The following LRP1B variants were observed in gnomAD, a reference collection of about 807,000 sequenced individuals.
LRP1B encodes the protein LDL receptor related protein 1B, also known as low-density lipoprotein receptor-related protein 1B.
In LRP1B, 217 loss-of-function variants were observed where a neutral mutation model predicts 556.6. The ratio of observed to expected loss-of-function variants is 0.39; its 90% CI spans 0.35 to 0.44. The LOEUF is 0.44. LRP1B is among the 20% of genes least tolerant of loss of function. The pLI is 1.00. For synonymous variants in LRP1B, 2,047 were observed against 1,865.8 expected, an observed-to-expected ratio of 1.10 and a Z score of -2.50; for missense variants, 5,053 against 5,620.8, an observed-to-expected ratio of 0.90 and a Z score of 3.23.
intron 2 of LRP1B, among the ~76,000 whole-genome samples, chr2:141,629,314 A>G (rs1221798763): frequency 6.6e-6 from 1 of 152,162 alleles, no homozygotes; most frequent in Non-Finnish European, 1.5e-5. Flanking sequence ...TTGAAATTCT[A>G]CCATCTCCAT....
Position 140,701,884 on chromosome 2 carries a change from A to G in LRP1B, c.6303-39T>C, listed in dbSNP as rs760958660. On this transcript the variant is annotated intron_variant, in intron 39 of 90. Transcript: ENST00000389484. ...GAACATACATGATCAACAATCTTCG[A>G]CTAATTAAAGTCAAGCCAGTTACTT... is the stretch of plus-strand genomic sequence containing the variant. 6.8e-6 allele frequency: 11 copies of G among 1,611,064 alleles called. No individual in the cohort carries two copies. The South Asian group carries it at 1.2e-4, about 18-fold the overall frequency.
At chr2:142,123,091 G>T (rs1707516389) in intron 1 of LRP1B, among the ~76,000 whole-genome samples, 1 of 151,888 alleles carries the variant, frequency 6.6e-6, no homozygotes, top group Non-Finnish European at 1.5e-5. Context: ...AGTTTCAAAA[G>T]AAAACAGATG....
At position 140,903,201 on chromosome 2, in the gene LRP1B, A is replaced by G. The variant is rs537517452; in HGVS notation, c.3521-36T>C. The G allele has an allele frequency of 1.8e-4, 293 of 1,601,132 alleles. 2 individuals carry two copies. In the South Asian group the frequency reaches 3.1e-3, roughly 17 times the overall value. ...GGGGGAACAGATTATAGGTCTTATC[A>G]ATTGCTTTCCTCAGTTAAATACTAA... On this transcript the variant is annotated intron_variant, in intron 22 of 90. Transcript: ENST00000389484.
At chr2:141,035,370 TAATAAA>T (rs971036356) in intron 11 of LRP1B, among the ~76,000 whole-genome samples, 22 of 148,646 alleles carry the variant, frequency 1.5e-4, no homozygotes, top group African/African-American at 5.7e-4. Context: ...ATAATAATAA[TAATAAA>T]AAAATCTTTT....
intron 3 of LRP1B, among the ~76,000 whole-genome samples, chr2:141,330,896 C>G (rs565028215): frequency 2.3e-3 from 355 of 152,098 alleles, no homozygotes; most frequent in Admixed American, 3.8e-3. Context: ...GGGACTACAG[C>G]TGCCGCCCAC....
intron 1 of LRP1B, among the ~76,000 whole-genome samples, chr2:141,976,445 C>G (rs996546512): frequency 9.9e-5 from 15 of 152,006 alleles, no homozygotes; most frequent in Non-Finnish European, 1.9e-4. Flanking sequence ...TTTTGCAAAC[C>G]TAAGAACTCT....
chr2:140,577,091 C>T (rs1681556318), intron 43 of LRP1B, among the ~76,000 whole-genome samples: 2 of 152,102 alleles, frequency 1.3e-5, no homozygotes, highest in African/African-American at 4.8e-5. Flanking sequence ...CATGTTCCAT[C>T]GCACTCACTC....
chr2:140,969,992 T>G (rs954527405), intron 18 of LRP1B, among the ~76,000 whole-genome samples: 13 of 152,160 alleles, frequency 8.5e-5, no homozygotes, highest in African/African-American at 3.1e-4. Context: ...AATCTGATAA[T>G]TATGTGTCTT....
At chr2:140,450,140 A>T (rs749248271) in intron 63 of LRP1B, among the ~76,000 whole-genome samples, 13 of 152,330 alleles carry the variant, frequency 8.5e-5, no homozygotes, top group African/African-American at 3.1e-4. Context: ...CAGGATTTCA[A>T]TGCTGACAGT....
At chr2:140,818,705 C>T (rs765846976) in intron 31 of LRP1B, among the ~76,000 whole-genome samples, 3 of 151,964 alleles carry the variant, frequency 2.0e-5, no homozygotes, top group East Asian at 1.9e-4. Flanking sequence ...GAGGCCAAGA[C>T]GGGTGGATTA....
chr2:141,255,467 T>G (rs529271576), intron 3 of LRP1B, among the ~76,000 whole-genome samples: 23 of 152,046 alleles, frequency 1.5e-4, no homozygotes, highest in African/African-American at 5.3e-4. Context: ...GCTACAGAAA[T>G]AAAATCAAAT....
At chr2:141,185,204 A>G (rs1342548192) in intron 7 of LRP1B, among the ~76,000 whole-genome samples, 2 of 152,094 alleles carry the variant, frequency 1.3e-5, no homozygotes, top group Non-Finnish European at 2.9e-5. Context: ...TCACATTTTT[A>G]TGACAATAAA....
At chr2:141,454,495 C>A (rs758779423) in intron 3 of LRP1B, among the ~76,000 whole-genome samples, 18 of 152,154 alleles carry the variant, frequency 1.2e-4, no homozygotes, top group Admixed American at 8.5e-4. Context: ...TGCAGACCAA[C>A]CACAGAACCT....
intron 3 of LRP1B, among the ~76,000 whole-genome samples, chr2:141,310,775 C>T (rs148857026): frequency 7.5e-4 from 114 of 152,150 alleles, no homozygotes; most frequent in Non-Finnish European, 1.3e-3. Flanking sequence ...ATCAAAGATT[C>T]GTGAAATACA....
chr2:141,041,811 G>C (rs1470035777), intron 11 of LRP1B, among the ~76,000 whole-genome samples: 1 of 51,306 alleles, frequency 1.9e-5, no homozygotes, highest in African/African-American at 6.0e-5. Flanking sequence ...ATCATTACAT[G>C]TTATATCATG....
At chr2:141,831,108 T>G (rs1697099112) in intron 1 of LRP1B, among the ~76,000 whole-genome samples, 1 of 151,794 alleles carries the variant, frequency 6.6e-6, no homozygotes, top group South Asian at 2.1e-4. Flanking sequence ...ATCTTGCCTT[T>G]GAGCAACTTA....
Position 140,324,048 on chromosome 2 carries a change from C to T in LRP1B, c.12359G>A (p.Arg4120Lys), listed in dbSNP as rs749096218. ...SSKQGLLHPHRIDIFEDYIYG... is the reference protein window; with the variant it reads ...SSKQGLLHPHKIDIFEDYIYG... ...TATATAATCTTCAAAGATATCGATC[C>T]TATGTGGATGTAATAAACCTGGAAT... Residue 4120 changes from arginine to lysine, a missense_variant, in exon 81 of 91, where the codon AGG (arginine) becomes AAG (lysine). By Grantham distance (26) the Arg-to-Lys change is conservative. Transcript: ENST00000389484. The T allele has an allele frequency of 1.2e-6, 2 of 1,606,454 alleles. No homozygotes were observed. Among genetic ancestry groups the T allele is most frequent in the African/African-American group, 1.3e-5 (1 of 74,648 alleles).
chr2:141,891,125 C>T (rs1699278555), intron 1 of LRP1B, among the ~76,000 whole-genome samples: 2 of 152,102 alleles, frequency 1.3e-5, no homozygotes, highest in Non-Finnish European at 2.9e-5. Flanking sequence ...GAAACTCTCC[C>T]TCTTGTTTTC....
chr2:141,333,146 A>G (rs1191493563), intron 3 of LRP1B, among the ~76,000 whole-genome samples: 1 of 152,198 alleles, frequency 6.6e-6, no homozygotes, highest in East Asian at 1.9e-4. Flanking sequence ...CCTTGAAAAC[A>G]TAACATTCCC....
Sources: gnomAD v4.1 joint callset for allele counts (sites outside exome capture counted in the v4.1 genomes callset) on GRCh38, gnomAD v4.1.1 for gene constraint, MANE v1.5 for transcripts, NCBI Gene and HGNC (gene_info 2026-07-23, HGNC 2026-07-21) for gene names.